The following KIAA1958 variants were observed in gnomAD, a reference collection of about 807,000 sequenced individuals.
KIAA1958 encodes the protein uncharacterized protein KIAA1958.
Under a neutral mutation model 47.2 loss-of-function variants are expected in KIAA1958, and 14 were observed. The observed-to-expected ratio is 0.30, with a 90% CI of 0.20 to 0.46. KIAA1958 has a LOEUF of 0.46. KIAA1958 is among the 20% of genes least tolerant of loss of function. The pLI is 1.00. For synonymous variants in KIAA1958, 354 were observed against 353.3 expected, an observed-to-expected ratio of 1.00 and a Z score of -0.02; for missense variants, 803 against 909.2, an observed-to-expected ratio of 0.88 and a Z score of 1.50.
At chr9:112,501,000 A>T (rs1834127197) in intron 1 of KIAA1958, among the ~76,000 whole-genome samples, 1 of 151,694 alleles carries the variant, frequency 6.6e-6, no homozygotes. Context: ...GGTCCTGGCT[A>T]CTTGGGAGGC....
chr9:112,503,067 G>T (rs1274627008), intron 1 of KIAA1958, among the ~76,000 whole-genome samples: 1 of 152,174 alleles, frequency 6.6e-6, no homozygotes, highest in East Asian at 1.9e-4. Flanking sequence ...TTTAGTAGTG[G>T]AGGTAGAGAA....
At chr9:112,571,096 C>T (rs933071062) in intron 1 of KIAA1958, among the ~76,000 whole-genome samples, 5 of 151,014 alleles carry the variant, frequency 3.3e-5, no homozygotes, top group East Asian at 3.9e-4. Flanking sequence ...AATATTCAGG[C>T]GAGATCTTCA....
chr9:112,643,753 C>T (rs2131241388), intron 2 of KIAA1958, among the ~76,000 whole-genome samples: 1 of 152,022 alleles, frequency 6.6e-6, no homozygotes, highest in African/African-American at 2.4e-5. Context: ...AGAACACACT[C>T]CTAAAAAATA....
chr9:112,584,284 T>A (rs1835785611), intron 2 of KIAA1958, among the ~76,000 whole-genome samples: 1 of 152,192 alleles, frequency 6.6e-6, no homozygotes, highest in Non-Finnish European at 1.5e-5. Context: ...TCTATAGGGT[T>A]GATATATATA....
At chr9:112,558,504 CTTT>C (rs1198966865) in intron 1 of KIAA1958, among the ~76,000 whole-genome samples, 2 of 152,106 alleles carry the variant, frequency 1.3e-5, no homozygotes, top group African/African-American at 4.8e-5. Context: ...CTCTCTACTT[CTTT>C]GAATATTTTC....
chr9:112,650,263 C>A (rs1837035237), intron 3 of KIAA1958, among the ~76,000 whole-genome samples: 1 of 152,108 alleles, frequency 6.6e-6, no homozygotes, highest in Non-Finnish European at 1.5e-5. Flanking sequence ...AAAAGAAGCT[C>A]TTCAGGCAGA....
intron 1 of KIAA1958, among the ~76,000 whole-genome samples, chr9:112,567,245 A>G (rs557019115): frequency 6.6e-6 from 1 of 152,350 alleles, no homozygotes; most frequent in Admixed American, 6.5e-5. Flanking sequence ...AAACAAAAAT[A>G]AGAAAAAACT....
chr9:112,571,802 A>C (rs1835540137), intron 1 of KIAA1958, among the ~76,000 whole-genome samples: 1 of 150,750 alleles, frequency 6.6e-6, no homozygotes, highest in Non-Finnish European at 1.5e-5. Context: ...AAAATAAATA[A>C]ATAAATAAAA....
intron 2 of KIAA1958, among the ~76,000 whole-genome samples, chr9:112,643,216 C>T (rs1187183869): frequency 6.6e-6 from 1 of 152,188 alleles, no homozygotes; most frequent in Non-Finnish European, 1.5e-5. Context: ...GTGACTCAAG[C>T]ATGGAGTCAG....
chr9:112,500,136 C>G (rs1320575027), intron 1 of KIAA1958, among the ~76,000 whole-genome samples: 2 of 152,024 alleles, frequency 1.3e-5, no homozygotes, highest in African/African-American at 4.8e-5. Flanking sequence ...GTGTCTCGCT[C>G]TGTCGCCGAG....
rs536875392 is a variant in KIAA1958, at chr9:112,538,102, A to G, written c.-24-35955A>G. ...TCCCAGCTCTATGGGAGGCCAAGGC[A>G]GGAGGGTATCTTGAGCCCAGGAGTT... On this transcript the variant is annotated intron_variant, in intron 1 of 3. Transcript: ENST00000337530. Among the ~76,000 whole-genome samples, 5 of 152,284 alleles carry G rather than the reference A, an allele frequency of 3.3e-5. No individual in the cohort carries two copies. In the South Asian group the frequency reaches 1.0e-3, roughly 32 times the overall value.
rs140231938 is a variant in KIAA1958, at chr9:112,510,613, A to T, written c.-25+23495A>T. Reference sequence around the variant, plus strand: ...TATACTGTCTCTTCTGTTTTCATTAAATCGCTTTAATTCCAAAGAATTCTG... The same window carrying T: ...TATACTGTCTCTTCTGTTTTCATTATATCGCTTTAATTCCAAAGAATTCTG... On this transcript the variant is annotated intron_variant, in intron 1 of 3. Transcript: ENST00000337530. 4.3e-4 allele frequency among the ~76,000 whole-genome samples: 66 copies of T among 152,286 alleles called. 1 individual carries two copies. In the East Asian group the frequency reaches 0.012, roughly 28 times the overall value.
At chr9:112,495,739 C>T (rs1424122568) in intron 1 of KIAA1958, among the ~76,000 whole-genome samples, 5 of 152,278 alleles carry the variant, frequency 3.3e-5, no homozygotes, top group South Asian at 2.1e-4. Context: ...TGTCATTGCT[C>T]CAAACTGAAA....
At chr9:112,601,459 A>G (rs935777320) in intron 2 of KIAA1958, among the ~76,000 whole-genome samples, 4 of 152,158 alleles carry the variant, frequency 2.6e-5, no homozygotes, top group African/African-American at 9.7e-5. Flanking sequence ...ACTGTGTCTC[A>G]AAGTGTGGCT....
chr9:112,643,905 C>T lies in KIAA1958; in HGVS notation c.1172-1745C>T, dbSNP rs185138021. ...GCAAAGACCATGTGAAGGCCGGGTG[C>T]GGTGGCTCACACCTGTAATCCCAGC... On this transcript the variant is annotated intron_variant, in intron 2 of 3. Transcript: ENST00000337530. Among the ~76,000 whole-genome samples, 462 of 152,186 alleles carry T rather than the reference C, an allele frequency of 3.0e-3. 8 individuals carry two copies. The highest frequency in any genetic ancestry group is 0.025 in the Admixed American group (381 of 15,300).
At position 112,607,167 on chromosome 9, in the gene KIAA1958, A is replaced by G. The variant is rs145165654; in HGVS notation, c.1171+31916A>G. On this transcript the variant is annotated intron_variant, in intron 2 of 3. Coordinates refer to ENST00000337530, the MANE Select transcript of KIAA1958 (RefSeq NM_133465.4). Reference sequence around the variant, plus strand: ...AGGTCAGGGGTTCCAGACCAGCCTGACCAATATGGCGAAACCCCATCTCTA... The same window carrying G: ...AGGTCAGGGGTTCCAGACCAGCCTGGCCAATATGGCGAAACCCCATCTCTA... 9.9e-3 allele frequency among the ~76,000 whole-genome samples: 1,496 copies of G among 151,862 alleles called. 60 individuals are homozygous for G. In the East Asian group the frequency reaches 0.1, roughly 10 times the overall value.
In KIAA1958 at chr9:112,647,451, T is replaced by TA. The variant is rs200042336; in HGVS notation, c.1344+1637dup. Among the ~76,000 whole-genome samples the TA allele has an allele frequency of 3.4e-3, 513 of 150,346 alleles. 1 individual carries two copies. Among genetic ancestry groups the TA allele is most frequent in the African/African-American group, 0.011 (454 of 40,922 alleles). ...TCAGAGCAACTACATATGTGCTCGT[T>TA]AAAAAAAACAAAAAACAAACAAACA... On this transcript the variant is annotated intron_variant, in intron 3 of 3. Coordinates refer to ENST00000337530, the MANE Select transcript of KIAA1958 (RefSeq NM_133465.4).
intron 3 of KIAA1958, among the ~76,000 whole-genome samples, chr9:112,648,940 A>G (rs184714497): frequency 9.8e-5 from 15 of 152,354 alleles, no homozygotes; most frequent in African/African-American, 3.4e-4. Flanking sequence ...CTAGAAGACA[A>G]GGACATTAAA....
chr9:112,531,180 G>T (rs1834745567), intron 1 of KIAA1958, among the ~76,000 whole-genome samples: 2 of 152,160 alleles, frequency 1.3e-5, no homozygotes, highest in Non-Finnish European at 2.9e-5. Context: ...CCTGAGGTTG[G>T]GAGTTCGAGA....
Sources: allele counts gnomAD v4.1 joint callset (sites outside exome capture counted in the v4.1 genomes callset), GRCh38; gene constraint gnomAD v4.1.1; transcripts MANE v1.5; gene names NCBI Gene and HGNC (gene_info 2026-07-23, HGNC 2026-07-21).